Variants in AHCYL1 observed in about 807,000 individuals in gnomAD.
AHCYL1 encodes S-adenosylhomocysteine hydrolase-like protein 1.
Under a neutral mutation model 79.3 loss-of-function variants are expected in AHCYL1, and 20 were observed. That is an observed-to-expected ratio of 0.25 (90% CI 0.18 to 0.37). The LOEUF (loss-of-function observed/expected upper bound fraction) is 0.37. Among genes scored for constraint, AHCYL1 ranks in the 10% least tolerant of loss-of-function variants. The pLI, the probability that AHCYL1 is intolerant of heterozygous loss-of-function variation, is 1.00. For missense variants in AHCYL1, 330 were observed against 673.6 expected (o/e 0.49, Z 5.65); for synonymous variants, 223 against 242.2 (o/e 0.92, Z 0.74).
At chr1:109,987,453 T>G (rs1438104403) in intron 1 of AHCYL1, among the ~76,000 whole-genome samples, 1 of 152,222 alleles carries the variant, frequency 6.6e-6, no homozygotes, top group African/African-American at 2.4e-5. Flanking sequence ...CCAGTAATCC[T>G]TGGATTATTC....
rs911093290 is a variant in AHCYL1, at chr1:110,011,368, G to A, written c.376+11G>A. The A allele has an allele frequency of 1.2e-6, 2 of 1,613,680 alleles. No homozygotes were observed. The highest frequency in any genetic ancestry group is 1.7e-5 in the Admixed American group (1 of 59,984). On this transcript the variant is annotated intron_variant, in intron 3 of 16. Transcript: ENST00000369799. ...AGATTGCAGAGCAAGGTAAAGAAAGGGAGTGGGTTAGGGGACCAGAAACAA... is the reference window on the plus strand; with the variant it reads ...AGATTGCAGAGCAAGGTAAAGAAAGAGAGTGGGTTAGGGGACCAGAAACAA...
At chr1:109,988,607 A>G (rs940104699) in intron 1 of AHCYL1, among the ~76,000 whole-genome samples, 7 of 152,152 alleles carry the variant, frequency 4.6e-5, no homozygotes, top group African/African-American at 1.2e-4. Context: ...AGCTCTTACA[A>G]TAAGCATGTT....
chr1:110,017,738 C>T (rs1195844041), intron 10 of AHCYL1, among the ~76,000 whole-genome samples, 155 bp downstream of exon 10: 1 of 152,180 alleles, frequency 6.6e-6, no homozygotes, highest in Admixed American at 6.5e-5. Flanking sequence ...CTAGGGCTCT[C>T]TGAGAGCCTC....
intron 5 of AHCYL1, among the ~76,000 whole-genome samples, chr1:110,013,607 G>A (rs1017313036): frequency 6.6e-6 from 1 of 151,836 alleles, no homozygotes; most frequent in African/African-American, 2.4e-5. Context: ...CTACTCAGGA[G>A]GCTGAGGTAG....
chr1:109,999,345 G>C (rs900599644), intron 1 of AHCYL1, among the ~76,000 whole-genome samples: 2 of 152,102 alleles, frequency 1.3e-5, no homozygotes, highest in African/African-American at 4.8e-5. Context: ...CAATGTTATT[G>C]TTAACTGTAG....
At chr1:109,988,590 G>A (rs1452156268) in intron 1 of AHCYL1, among the ~76,000 whole-genome samples, 1 of 152,086 alleles carries the variant, frequency 6.6e-6, no homozygotes, top group Non-Finnish European at 1.5e-5. Flanking sequence ...TCTCCAACTT[G>A]TTGGAGAGCT....
intron 3 of AHCYL1, 117 bp from the exon 4 acceptor site, chr1:110,012,245 G>A (rs1038817682): frequency 5.0e-6 from 4 of 805,604 alleles, no homozygotes; most frequent in Non-Finnish European, 5.8e-6. Context: ...CATGGAAATA[G>A]GCTTAAAGTT....
At position 110,018,299 on chromosome 1, in the gene AHCYL1, T is replaced by C; in HGVS notation, c.1124-74T>C. On this transcript the variant is annotated intron_variant, in intron 11 of 16. Coordinates refer to ENST00000369799, the MANE Select transcript of AHCYL1 (RefSeq NM_006621.7). ...ATGCCAGCAAGCCTCTGGTCTCCTA[T>C]GTTCTACCTGAAAGCCAGCCAGTAC... is the stretch of plus-strand genomic sequence containing the variant. 2.8e-6 allele frequency: 4 copies of C among 1,429,840 alleles called. No homozygotes were observed. The South Asian group carries it at 4.7e-5, about 17-fold the overall frequency. 88.6% of individuals were successfully genotyped at this position (1,429,840 alleles called of 1,614,324 possible).
At chr1:110,020,886 T>C in intron 16 of AHCYL1, 35 bp downstream of exon 16, 1 of 1,603,180 alleles carries the variant, frequency 6.2e-7, no homozygotes, top group Non-Finnish European at 8.5e-7. Context: ...AAGCTCTTTT[T>C]CCCAGTATTA....
Position 110,017,435 on chromosome 1 carries a change from C to T in AHCYL1, c.964-60C>T, listed in dbSNP as rs1651490881. On this transcript the variant is annotated intron_variant, in intron 9 of 16. Coordinates refer to ENST00000369799, the MANE Select transcript of AHCYL1 (RefSeq NM_006621.7). ...AATTCCTGTCTCACAAATAACCTAC[C>T]TACCCTAAATATCCATGACTTAATG... The T allele has an allele frequency of 8.5e-6, 13 of 1,520,516 alleles. No individual in the cohort carries two copies. The East Asian group carries it at 2.9e-4, about 34-fold the overall frequency. 94.2% of individuals were successfully genotyped at this position (1,520,516 alleles called of 1,614,324 possible).
chr1:110,016,821 T>C (rs1162966421), intron 9 of AHCYL1, 91 bp downstream of exon 9: 1 of 1,440,280 alleles, frequency 6.9e-7, no homozygotes, highest in Non-Finnish European at 9.5e-7. Context: ...CTAGAGTCAC[T>C]GATACAAGGT....
Position 110,014,821 on chromosome 1 carries a change from C to A in AHCYL1, c.639C>A (p.Asp213Glu). 1 of 1,614,176 alleles carries A rather than the reference C, an allele frequency of 6.2e-7. No homozygotes were observed. Among genetic ancestry groups the A allele is most frequent in the Non-Finnish European group, 8.5e-7 (1 of 1,180,030 alleles). ...AAGATGACTTCTGGTGGTGTATTGA[C>A]CGCTGTGTGAACATGGATGGGTGGC... ...ESEDDFWWCI[D>E]RCVNMDGWQA... The change falls in exon 6 of 17, where the codon GAC (aspartate) becomes GAA (glutamate). Residue 213 changes from aspartate (D) to glutamate (E), a missense_variant. Physicochemically the swap from Asp to Glu is conservative, Grantham distance 45 (BLOSUM62 2). Transcript: ENST00000369799.
At position 109,984,999 on chromosome 1, in the gene AHCYL1, G is replaced by A; in HGVS notation, c.-54G>A. 6.9e-7 allele frequency: 1 copy of A among 1,447,222 alleles called. No individual in the cohort carries two copies. The highest frequency in any genetic ancestry group is 9.1e-7 in the Non-Finnish European group (1 of 1,096,578). The allele number at this position is 1,447,222 out of a possible 1,614,324, so 89.6% of individuals were successfully genotyped here. ...CGCGCGGGCAGGCGGGCGGGCGCCA[G>A]AGGGGGAAAGAGGCGGGGGCGGCGG... On this transcript the variant is annotated 5_prime_UTR_variant, in exon 1 of 17. Transcript: ENST00000369799.
intron 7 of AHCYL1, among the ~76,000 whole-genome samples, chr1:110,015,950 T>G (rs1651389056): frequency 6.6e-6 from 1 of 152,016 alleles, no homozygotes; most frequent in Non-Finnish European, 1.5e-5. Context: ...TCTGAAAGAG[T>G]GTTTCTTGGG....
At position 110,011,365 on chromosome 1, in the gene AHCYL1, AAG is replaced by A. The variant is rs759358269; in HGVS notation, c.376+9_376+10del. On this transcript the variant is annotated intron_variant, in intron 3 of 16. Coordinates refer to ENST00000369799, the MANE Select transcript of AHCYL1 (RefSeq NM_006621.7). ...TTGAGATTGCAGAGCAAGGTAAAGA[AAG>A]GGAGTGGGTTAGGGGACCAGAAACA... 12 of 1,613,764 alleles carry A rather than the reference AAG, an allele frequency of 7.4e-6. No individual in the cohort carries two copies. In the South Asian group the frequency reaches 1.3e-4, roughly 18 times the overall value.
At chr1:109,994,982 A>G (rs1649952107) in intron 1 of AHCYL1, among the ~76,000 whole-genome samples, 1 of 152,238 alleles carries the variant, frequency 6.6e-6, no homozygotes, top group Non-Finnish European at 1.5e-5. Context: ...TGTAAGTCCA[A>G]GGAAAATGCA....
chr1:109,997,725 G>C (rs1266590151), intron 1 of AHCYL1, among the ~76,000 whole-genome samples: 2 of 152,202 alleles, frequency 1.3e-5, no homozygotes, highest in African/African-American at 4.8e-5. Context: ...CTGGGAGAGA[G>C]AATTATGTAG....
chr1:110,015,379 C>T (rs1455914624), intron 6 of AHCYL1, 46 bp from the exon 7 acceptor site: 1 of 1,503,646 alleles, frequency 6.7e-7, no homozygotes, highest in East Asian at 2.3e-5. Context: ...TTCCCCCCAG[C>T]CCTAGCAGCC....
chr1:109,993,416 AT>A (rs1486584149), intron 1 of AHCYL1, among the ~76,000 whole-genome samples: 1 of 152,192 alleles, frequency 6.6e-6, no homozygotes. Context: ...TCTCACACAT[AT>A]TTATATAGTA....
Sources: allele counts gnomAD v4.1 joint callset (sites outside exome capture counted in the v4.1 genomes callset), GRCh38; gene constraint gnomAD v4.1.1; transcripts MANE v1.5; gene names NCBI Gene and HGNC (gene_info 2026-07-23, HGNC 2026-07-21).